GRIK5: variants seen among roughly 807,000 people sequenced by gnomAD.
The protein encoded by GRIK5 is glutamate ionotropic receptor kainate type subunit 5.
GRIK5 carries 43 observed loss-of-function variants against 97.4 expected under a neutral mutation model. The ratio of observed to expected loss-of-function variants is 0.44; its 90% CI spans 0.35 to 0.57. The LOEUF (loss-of-function observed/expected upper bound fraction) is 0.57. GRIK5 is among the 20% of genes least tolerant of loss of function. The probability of loss-of-function intolerance (pLI) is 0.01; values close to 1 mark genes in which losing one functional copy is unlikely to be tolerated. For missense variants in GRIK5, 1,015 were observed against 1,382.0 expected, an observed-to-expected ratio of 0.73 and a Z score of 4.21; for synonymous variants, 580 against 583.5, an observed-to-expected ratio of 0.99 and a Z score of 0.09.
chr19:42,012,946 T>A (rs1378943579), intron 15 of GRIK5, among the ~76,000 whole-genome samples: 1 of 151,728 alleles, frequency 6.6e-6, no homozygotes, highest in Non-Finnish European at 1.5e-5. Flanking sequence ...ATAAATAAAG[T>A]TTTATTGGAA....
At chr19:42,011,729 T>G (rs2146028802) in intron 15 of GRIK5, among the ~76,000 whole-genome samples, 1 of 152,190 alleles carries the variant, frequency 6.6e-6, no homozygotes, top group East Asian at 1.9e-4. Flanking sequence ...TTCCATCACT[T>G]TGGGAGGCCA....
chr19:42,065,489 C>T lies in GRIK5; in HGVS notation c.80-102G>A. On this transcript the variant is annotated intron_variant, in intron 2 of 19. Transcript: ENST00000593562. This position sits in a 1 kb window ranked among gnomAD's most constrained non-coding sequence, Gnocchi z 5.8. Reference sequence around the variant, plus strand: ...CTCTAGGGTGAGGTGGGTATACGGACCAGGGGTCTAGACACCTGGATCTGA... The same window carrying T: ...CTCTAGGGTGAGGTGGGTATACGGATCAGGGGTCTAGACACCTGGATCTGA... 8.0e-7 allele frequency: 1 copy of T among 1,255,422 alleles called. No individual in the cohort carries two copies. The highest frequency in any genetic ancestry group is 1.1e-6 in the Non-Finnish European group (1 of 913,756). The allele number at this position is 1,255,422 out of a possible 1,614,324, so 77.8% of individuals were successfully genotyped here. A position where few individuals can be genotyped will look rare whatever the true frequency, so the allele number is the denominator to read the frequency against.
In GRIK5 at chr19:42,054,491, G is replaced by T. The variant is rs539086355; in HGVS notation, c.904-19C>A. On this transcript the variant is annotated intron_variant, in intron 8 of 19. Transcript: ENST00000593562. The stretch of plus-strand genomic sequence containing the variant: ...CTGACAGCTGCGGTGGGACAGAGGC[G>T]GGGGTGGGATGGATAAGAGGCTGCC... 1.9e-6 allele frequency: 3 copies of T among 1,608,272 alleles called. No homozygotes were observed. The East Asian group carries it at 6.7e-5, about 36-fold the overall frequency.
chr19:42,011,709 C>T (rs959647097), intron 15 of GRIK5, among the ~76,000 whole-genome samples: 1 of 151,924 alleles, frequency 6.6e-6, no homozygotes, highest in African/African-American at 2.4e-5. Flanking sequence ...CACAGTGGCT[C>T]ACGCTGTAAT....
At position 42,003,821 on chromosome 19, in the gene GRIK5, C is replaced by T; in HGVS notation, c.2264-138G>A. ...GGGTCTTCCCTGCAGCCTCTCCTCACCCCCAGCCCAGTCTCCTCTCAACAC... is the reference window on the plus strand; with the variant it reads ...GGGTCTTCCCTGCAGCCTCTCCTCATCCCCAGCCCAGTCTCCTCTCAACAC... On this transcript the variant is annotated intron_variant, in intron 17 of 19. Transcript: ENST00000593562. The surrounding 1 kb of genome is among the most constrained non-coding windows in gnomAD (Gnocchi z 4.2). The T allele has an allele frequency of 3.5e-6, 3 of 868,554 alleles. No homozygotes were observed. Among genetic ancestry groups the T allele is most frequent in the Non-Finnish European group, 5.1e-6 (3 of 585,054 alleles). 53.8% of individuals were successfully genotyped at this position (868,554 alleles called of 1,614,324 possible).
chr19:42,062,473 T>G lies in GRIK5; in HGVS notation c.508+15A>C, dbSNP rs1312070422. 6.2e-7 allele frequency: 1 copy of G among 1,613,552 alleles called. No individual in the cohort carries two copies. The highest frequency in any genetic ancestry group is 1.1e-5 in the South Asian group (1 of 91,068). On this transcript the variant is annotated intron_variant, in intron 5 of 19. Coordinates refer to ENST00000593562, the MANE Select transcript of GRIK5 (RefSeq NM_002088.5). This position sits in a 1 kb window ranked among gnomAD's most constrained non-coding sequence, Gnocchi z 5.3. ...TCTGGGGGAACAGAAAACAAAACAT[T>G]CAGTTCTCCCTCACACTCAGCCTTG...
chr19:42,055,310 A>C (rs944746108), intron 8 of GRIK5, among the ~76,000 whole-genome samples: 4 of 152,070 alleles, frequency 2.6e-5, no homozygotes, highest in African/African-American at 9.7e-5. Flanking sequence ...GGGGTGTGTG[A>C]TGTCCCTGTG....
In GRIK5 at chr19:42,021,448, G is replaced by A; in HGVS notation, c.1724C>T (p.Pro575Leu). The stretch of plus-strand genomic sequence containing the variant: ...GGGGCGTGCCCGCAGGCATGGGTGT[G>A]GGTTATACCACTCATAGGGGCTCAG... ...ARLSPYEWYN[P>L]HPCLRARPHI... The change falls in exon 15 of 20, where the codon CCA becomes CTA. Residue 575 changes from proline to leucine, a missense_variant. By Grantham distance (98) the Pro-to-Leu change is moderately conservative. Coordinates refer to ENST00000593562, the MANE Select transcript of GRIK5 (RefSeq NM_002088.5). This position sits in a 1 kb window ranked among gnomAD's most constrained non-coding sequence, Gnocchi z 4.2. The A allele has an allele frequency of 1.3e-6, 2 of 1,593,392 alleles. No individual in the cohort carries two copies. Among genetic ancestry groups the A allele is most frequent in the Non-Finnish European group, 1.7e-6 (2 of 1,167,040 alleles).
intron 6 of GRIK5, among the ~76,000 whole-genome samples, chr19:42,057,331 T>C (rs1444251626): frequency 2.0e-5 from 3 of 151,736 alleles, no homozygotes; most frequent in Non-Finnish European, 4.4e-5. Flanking sequence ...CTTCTGGAGA[T>C]AGGCAAGAAG....
At chr19:42,061,604 A>G (rs1277320136) in intron 5 of GRIK5, among the ~76,000 whole-genome samples, 1 of 152,196 alleles carries the variant, frequency 6.6e-6, no homozygotes, top group East Asian at 1.9e-4. Flanking sequence ...TCTCAAAGAC[A>G]CACCATGCCC....
At chr19:42,008,737 C>T (rs2075524047) in intron 15 of GRIK5, among the ~76,000 whole-genome samples, 1 of 152,012 alleles carries the variant, frequency 6.6e-6, no homozygotes, top group South Asian at 2.1e-4. Context: ...ACGGAATTAG[C>T]AGACAAGGAC....
In GRIK5 at chr19:42,006,717, G is replaced by A. The variant is rs371018750; in HGVS notation, c.1965C>T (p.Ala655=). 55 of 1,613,898 alleles carry A rather than the reference G, an allele frequency of 3.4e-5. No homozygotes were observed. Among genetic ancestry groups the A allele is most frequent in the East Asian group, 4.5e-5 (2 of 44,892 alleles). Residue 655 remains alanine (A), a synonymous_variant, in exon 16 of 20, where the codon GCC becomes GCT. Coordinates refer to ENST00000593562, the MANE Select transcript of GRIK5 (RefSeq NM_002088.5). The surrounding 1 kb of genome is among the most constrained non-coding windows in gnomAD (Gnocchi z 5.3). The part of the protein sequence containing the change: ...VQRMEVPVES[A]DDLADQTNIE... ...TGTTGGTCTGATCTGCCAGGTCATC[G>A]GCCGACTCCACAGGCACCTCCATGC... is the stretch of plus-strand genomic sequence containing the variant.
At position 42,062,960 on chromosome 19, in the gene GRIK5, C is replaced by A. The variant is rs1352232719; in HGVS notation, c.245-105G>T. ...GGCCCAGGAGAGGATCAGACACTGG[C>A]AACTGCCTGATCCTCTTCTGCCATC... On this transcript the variant is annotated intron_variant, in intron 3 of 19. Coordinates refer to ENST00000593562, the MANE Select transcript of GRIK5 (RefSeq NM_002088.5). The surrounding 1 kb of genome is among the most constrained non-coding windows in gnomAD (Gnocchi z 5.3). The A allele has an allele frequency of 2.5e-6, 2 of 808,176 alleles. No individual in the cohort carries two copies. Among genetic ancestry groups the A allele is most frequent in the Non-Finnish European group, 4.2e-6 (2 of 480,956 alleles). 50.1% of individuals were successfully genotyped at this position (808,176 alleles called of 1,614,324 possible).
rs1452471046 is a variant in GRIK5, at chr19:41,998,698, G to C, written c.*173C>G. 9.1e-6 allele frequency: 2 copies of C among 220,250 alleles called. No individual in the cohort carries two copies. The highest frequency in any genetic ancestry group is 1.7e-5 in the Non-Finnish European group (2 of 118,242). 13.6% of individuals were successfully genotyped at this position (220,250 alleles called of 1,614,324 possible). ...GCGAGTCCACTGGGGGGCGCAGGCG[G>C]GCTCCAGAGCCAGGCCTCGGACTTC... On this transcript the variant is annotated 3_prime_UTR_variant, in exon 20 of 20. Coordinates refer to ENST00000593562, the MANE Select transcript of GRIK5 (RefSeq NM_002088.5).
At position 41,999,434 on chromosome 19, in the gene GRIK5, C is replaced by A; in HGVS notation, c.2515-135G>T. 1.6e-6 allele frequency: 1 copy of A among 641,020 alleles called. No individual in the cohort carries two copies. The highest frequency in any genetic ancestry group is 2.1e-5 in the South Asian group (1 of 48,296). The allele number at this position is 641,020 out of a possible 1,614,324, so 39.7% of individuals were successfully genotyped here. Reference sequence around the variant, plus strand: ...CCTTCTGCCCTCGCTTCCCTTCCCACTTCTCTTCCCTTTATCTCCCCCGTG... The same window carrying A: ...CCTTCTGCCCTCGCTTCCCTTCCCAATTCTCTTCCCTTTATCTCCCCCGTG... On this transcript the variant is annotated intron_variant, in intron 19 of 19. Transcript: ENST00000593562. This position sits in a 1 kb window ranked among gnomAD's most constrained non-coding sequence, Gnocchi z 5.0.
rs2075627916 is a variant in GRIK5 at position 42,016,657 on chromosome 19, A to G, written c.1871+4644T>C. Among the ~76,000 whole-genome samples the G allele has an allele frequency of 2.6e-5, 4 of 152,174 alleles. No individual in the cohort carries two copies. In the South Asian group the frequency reaches 8.3e-4, roughly 32 times the overall value. On this transcript the variant is annotated intron_variant, in intron 15 of 19. Transcript: ENST00000593562. ...GCCTGTTGAGCTCCCAAGAGGAGCAATCCCAGGGGGCTGGACACATGGAGG... is the reference window on the plus strand; with the variant it reads ...GCCTGTTGAGCTCCCAAGAGGAGCAGTCCCAGGGGGCTGGACACATGGAGG...
chr19:42,053,429 C>G (rs2076141409), intron 11 of GRIK5, among the ~76,000 whole-genome samples, 173 bp downstream of exon 11: 1 of 152,240 alleles, frequency 6.6e-6, no homozygotes, highest in South Asian at 2.1e-4. Context: ...CCTGCTCTGG[C>G]AGCATTTAGG....
intron 3 of GRIK5, chr19:42,063,418 T>C (rs749153944): frequency 2.2e-6 from 1 of 453,622 alleles, no homozygotes; most frequent in Non-Finnish European, 4.4e-6. Context: ...AACCCTAACT[T>C]CTCCTGGGGG....
At chr19:42,023,834 G>A (rs940537065) in intron 12 of GRIK5, among the ~76,000 whole-genome samples, 19 of 152,160 alleles carry the variant, frequency 1.2e-4, no homozygotes, top group African/African-American at 3.4e-4. Context: ...GCCCCCTGCC[G>A]CCACTCATAA....
Sources: allele counts gnomAD v4.1 joint callset (sites outside exome capture counted in the v4.1 genomes callset), GRCh38; gene constraint gnomAD v4.1.1; non-coding constraint Gnocchi (gnomAD v3.1); transcripts MANE v1.5; gene names NCBI Gene and HGNC (gene_info 2026-07-23, HGNC 2026-07-21).